FSBP: variants seen among roughly 807,000 people sequenced by gnomAD.
The protein encoded by FSBP is fibrinogen silencer-binding protein.
FSBP carries 18 observed loss-of-function variants against 24.6 expected under a neutral mutation model. The observed-to-expected ratio is 0.73, with a 90% CI of 0.51 to 1.08. The LOEUF is 1.08. FSBP is among the 50% of genes least tolerant of loss of function. The pLI, the probability that FSBP is intolerant of heterozygous loss-of-function variation, is 0.00. For missense variants in FSBP, 305 were observed against 347.6 expected, an observed-to-expected ratio of 0.88 and a Z score of 0.98; for synonymous variants, 110 against 125.8, an observed-to-expected ratio of 0.87 and a Z score of 0.84.
intron 1 of FSBP, among the ~76,000 whole-genome samples, chr8:94,433,178 A>G (rs374912226): frequency 6.6e-6 from 1 of 152,294 alleles, no homozygotes; most frequent in Non-Finnish European, 1.5e-5. Context: ...CCAAAAAATA[A>G]AACATAAAGA....
At position 94,432,393 on chromosome 8, in the gene FSBP, C is replaced by T. The variant is rs781604631; in HGVS notation, c.638G>A (p.Arg213Lys). 1.2e-4 allele frequency: 191 copies of T among 1,550,426 alleles called. No individual in the cohort carries two copies. The highest frequency in any genetic ancestry group is 8.3e-4 in the Middle Eastern group (5 of 5,992). ...ACTCTCATGCCGAAAAAAATCATCTCTCCTTGGAATAGAAGATGGAGACGA... is the reference window on the plus strand; with the variant it reads ...ACTCTCATGCCGAAAAAAATCATCTTTCCTTGGAATAGAAGATGGAGACGA... ...MTSSPSSIPRRDDFFRHESGE... is the reference protein window; with the variant it reads ...MTSSPSSIPRKDDFFRHESGE... The change falls in exon 2 of 2, where the codon AGA (arginine) becomes AAA (lysine). Residue 213 changes from arginine to lysine, a missense_variant. Arg to Lys is a conservative substitution (Grantham distance 26). Coordinates refer to ENST00000481490, the MANE Select transcript of FSBP (RefSeq NM_001256141.2).
rs1184040288 is a variant in FSBP at position 94,432,202 on chromosome 8, C to T, written c.829G>A (p.Ala277Thr). ...RQQLEEELLR[A>T]KIEVEKLKAI... ...TTCAGCTTCTCCACTTCAATTTTTG[C>T]TCTTAGTAGCTCTTCCTCTAGCTGC... is the stretch of plus-strand genomic sequence containing the variant. The change falls in exon 2 of 2, where the codon GCA becomes ACA. Residue 277 changes from alanine to threonine, a missense_variant. Coordinates refer to ENST00000481490, the MANE Select transcript of FSBP (RefSeq NM_001256141.2). 1 of 1,550,178 alleles carries T rather than the reference C, an allele frequency of 6.5e-7. No homozygotes were observed. The highest frequency in any genetic ancestry group is 2.0e-5 in the Admixed American group (1 of 50,974).
chr8:94,432,140 G>A lies in FSBP; in HGVS notation c.891C>T (p.Asn297=). 3 of 1,546,126 alleles carry A rather than the reference G, an allele frequency of 1.9e-6. No homozygotes were observed. Among genetic ancestry groups the A allele is most frequent in the African/African-American group, 1.4e-5 (1 of 72,712 alleles). The part of the protein sequence containing the change: ...IRLRHDLPEY[N]SL Reference sequence around the variant, plus strand: ...AGATTGAAAAAAAAACTTAGAGACTGTTATATTCAGGTAGATCATGCCGTA... The same window carrying A: ...AGATTGAAAAAAAAACTTAGAGACTATTATATTCAGGTAGATCATGCCGTA... Residue 297 remains asparagine, a synonymous_variant, in exon 2 of 2, where the codon AAC becomes AAT. Coordinates refer to ENST00000481490, the MANE Select transcript of FSBP (RefSeq NM_001256141.2).
chr8:94,432,248 C>T lies in FSBP; in HGVS notation c.783G>A (p.Arg261=), dbSNP rs1812118382. The change falls in exon 2 of 2, where the codon AGG becomes AGA. Residue 261 remains arginine (R), a synonymous_variant. Transcript: ENST00000481490. ...GCTGCTGCCTTCTTTTCAATCCATC[C>T]CTCTTCTCCTGAACATACAATCCAA... ...KNFGLYVQEK[R]DGLKRRQQLE... 2 of 1,550,192 alleles carry T rather than the reference C, an allele frequency of 1.3e-6. No individual in the cohort carries two copies. The highest frequency in any genetic ancestry group is 1.7e-4 in the Middle Eastern group (1 of 6,012).
In FSBP at chr8:94,428,619, T is replaced by C; in HGVS notation, c.*3512A>G. ...TCCTACCTCAGTTATACCGTCTTTT[T>C]AAATTTCGTATTACTTTTTATTGTT... On this transcript the variant is annotated 3_prime_UTR_variant, in exon 2 of 2. Coordinates refer to ENST00000481490, the MANE Select transcript of FSBP (RefSeq NM_001256141.2). 1 of 639,534 alleles carries C rather than the reference T, an allele frequency of 1.6e-6. No individual in the cohort carries two copies. The highest frequency in any genetic ancestry group is 1.9e-6 in the Non-Finnish European group (1 of 514,318). 39.6% of individuals were successfully genotyped at this position (639,534 alleles called of 1,614,324 possible). A position where few individuals can be genotyped will look rare whatever the true frequency, so the allele number is the denominator to read the frequency against.
chr8:94,434,605 T>TA, intron 1 of FSBP, among the ~76,000 whole-genome samples: 1 of 151,972 alleles, frequency 6.6e-6, no homozygotes, highest in African/African-American at 2.4e-5. Context: ...CATATTTATG[T>TA]AGAAGTATAG....
intron 1 of FSBP, among the ~76,000 whole-genome samples, chr8:94,433,145 G>A (rs1184234761): frequency 4.6e-5 from 7 of 152,136 alleles, no homozygotes; most frequent in African/African-American, 1.7e-4. Flanking sequence ...CCATCTATGG[G>A]AGGTACTGAT....
Position 94,431,837 on chromosome 8 carries a change from G to T in FSBP, c.*294C>A. The T allele has an allele frequency of 9.6e-7, 1 of 1,046,376 alleles. No individual in the cohort carries two copies. Among genetic ancestry groups the T allele is most frequent in the Non-Finnish European group, 1.2e-6 (1 of 864,760 alleles). The allele number at this position is 1,046,376 out of a possible 1,614,324, so 64.8% of individuals were successfully genotyped here. A position where few individuals can be genotyped will look rare whatever the true frequency, so the allele number is the denominator to read the frequency against. ...GACTCAGAACTTTGAAAGAATATGT[G>T]TTTGTATATGCATTTGTGTATATCT... is the stretch of plus-strand genomic sequence containing the variant. On this transcript the variant is annotated 3_prime_UTR_variant, in exon 2 of 2. Transcript: ENST00000481490.
Position 94,430,455 on chromosome 8 carries a change from A to G in FSBP, c.*1676T>C. 1.0e-6 allele frequency: 1 copy of G among 984,930 alleles called. No individual in the cohort carries two copies. Among genetic ancestry groups the G allele is most frequent in the Non-Finnish European group, 1.2e-6 (1 of 829,488 alleles). 61.0% of individuals were successfully genotyped at this position (984,930 alleles called of 1,614,324 possible). A position where few individuals can be genotyped will look rare whatever the true frequency, so the allele number is the denominator to read the frequency against. ...TTTAGGCACCAAGCGAGGTTCCAAA[A>G]TACTCTGTTTCACTGGTTCTCAAAC... is the stretch of plus-strand genomic sequence containing the variant. On this transcript the variant is annotated 3_prime_UTR_variant, in exon 2 of 2. Transcript: ENST00000481490.
intron 1 of FSBP, among the ~76,000 whole-genome samples, chr8:94,436,160 G>A (rs1041240909): frequency 6.6e-6 from 1 of 151,976 alleles, no homozygotes; most frequent in South Asian, 2.1e-4. Context: ...GAGAAAAAAA[G>A]TATCTCTCAG....
chr8:94,430,626 A>T lies in FSBP; in HGVS notation c.*1505T>A, dbSNP rs1812068064. ...TGCTGGTCAGGACCCATACTTGGAA[A>T]ACCATTGGTCTACTCCAAAGGCCAC... On this transcript the variant is annotated 3_prime_UTR_variant, in exon 2 of 2. Transcript: ENST00000481490. 1.6e-6 allele frequency: 1 copy of T among 614,028 alleles called. No individual in the cohort carries two copies. Among genetic ancestry groups the T allele is most frequent in the Admixed American group, 6.3e-5 (1 of 15,794 alleles). 38.0% of individuals were successfully genotyped at this position (614,028 alleles called of 1,614,324 possible).
In FSBP at chr8:94,427,874, A is replaced by G; in HGVS notation, c.*4257T>C. ...CTCCAAAAGAAGGCACATGAAAAAA[A>G]CTCATAGTTTAAACATTTTCACATA... On this transcript the variant is annotated 3_prime_UTR_variant, in exon 2 of 2. Coordinates refer to ENST00000481490, the MANE Select transcript of FSBP (RefSeq NM_001256141.2). 1.0e-6 allele frequency: 1 copy of G among 957,998 alleles called. No homozygotes were observed. Among genetic ancestry groups the G allele is most frequent in the African/African-American group, 1.8e-5 (1 of 56,712 alleles). The allele number at this position is 957,998 out of a possible 1,614,324, so 59.3% of individuals were successfully genotyped here. A position where few individuals can be genotyped will look rare whatever the true frequency, so the allele number is the denominator to read the frequency against.
intron 1 of FSBP, among the ~76,000 whole-genome samples, chr8:94,433,572 A>G (rs895190652): frequency 2.0e-5 from 3 of 152,090 alleles, no homozygotes; most frequent in Admixed American, 6.6e-5. Flanking sequence ...CTACAGCTTT[A>G]GCATAATTTA....
chr8:94,430,046 G>A lies in FSBP; in HGVS notation c.*2085C>T. 1.0e-6 allele frequency: 1 copy of A among 984,112 alleles called. No individual in the cohort carries two copies. Among genetic ancestry groups the A allele is most frequent in the Non-Finnish European group, 1.2e-6 (1 of 828,824 alleles). The allele number at this position is 984,112 out of a possible 1,614,324, so 61.0% of individuals were successfully genotyped here. ...AATAGTATTTAGGCTGGGCACGGTG[G>A]CTCAAGCCTGTAATCCCAGCACTTT... On this transcript the variant is annotated 3_prime_UTR_variant, in exon 2 of 2. Transcript: ENST00000481490.
Position 94,428,981 on chromosome 8 carries a change from T to A in FSBP, c.*3150A>T, listed in dbSNP as rs943779232. ...TTTATACAGGAATTCTCATAAACTATACTATGTTAATCATGGTTATACAAG... is the reference window on the plus strand; with the variant it reads ...TTTATACAGGAATTCTCATAAACTAAACTATGTTAATCATGGTTATACAAG... On this transcript the variant is annotated 3_prime_UTR_variant, in exon 2 of 2. Coordinates refer to ENST00000481490, the MANE Select transcript of FSBP (RefSeq NM_001256141.2). The A allele has an allele frequency of 9.2e-6, 9 of 982,512 alleles. 1 individual carries two copies. 60.9% of individuals were successfully genotyped at this position (982,512 alleles called of 1,614,324 possible). A position where few individuals can be genotyped will look rare whatever the true frequency, so the allele number is the denominator to read the frequency against.
At chr8:94,435,586 G>T (rs966053420) in intron 1 of FSBP, among the ~76,000 whole-genome samples, 1 of 152,022 alleles carries the variant, frequency 6.6e-6, no homozygotes, top group African/African-American at 2.4e-5. Context: ...TAAGAATGTA[G>T]CTGCCATTTT....
Position 94,431,371 on chromosome 8 carries a change from G to C in FSBP, c.*760C>G. 2 of 984,430 alleles carry C rather than the reference G, an allele frequency of 2.0e-6. 1 individual carries two copies. Among genetic ancestry groups the C allele is most frequent in the South Asian group, 9.4e-5 (2 of 21,240 alleles). 61.0% of individuals were successfully genotyped at this position (984,430 alleles called of 1,614,324 possible). ...CTGGAACAAAAATAGAGAGAGAATG[G>C]GGGTAATTGATGTAATTATCCTGAT... On this transcript the variant is annotated 3_prime_UTR_variant, in exon 2 of 2. Coordinates refer to ENST00000481490, the MANE Select transcript of FSBP (RefSeq NM_001256141.2).
In FSBP at chr8:94,436,836, G is replaced by A. The variant is rs1251155866; in HGVS notation, c.33C>T (p.Thr11=). Residue 11 remains threonine, a synonymous_variant, in exon 1 of 2, where the codon ACC becomes ACT. Coordinates refer to ENST00000481490, the MANE Select transcript of FSBP (RefSeq NM_001256141.2). MVGKARSSNF[T]LSEKLDLLKL... is the part of the protein sequence containing the mutation. ...TTAGCAAATCAAGCTTTTCGGATAA[G>A]GTAAAATTGGAAGATCTAGCCTTTC... is the stretch of plus-strand genomic sequence containing the variant. The A allele has an allele frequency of 1.3e-6, 2 of 1,540,888 alleles. No homozygotes were observed. Among genetic ancestry groups the A allele is most frequent in the African/African-American group, 1.4e-5 (1 of 72,546 alleles).
chr8:94,430,675 T>A lies in FSBP; in HGVS notation c.*1456A>T. On this transcript the variant is annotated 3_prime_UTR_variant, in exon 2 of 2. Transcript: ENST00000481490. ...ACAAAGTGGAAGCCCAATGGCTCAG[T>A]GAGGCCCACTCACATGTTGTCTGTA... The A allele has an allele frequency of 1.3e-6, 1 of 794,386 alleles. No homozygotes were observed. 49.2% of individuals were successfully genotyped at this position (794,386 alleles called of 1,614,324 possible).
Sources: allele counts gnomAD v4.1 joint callset (sites outside exome capture counted in the v4.1 genomes callset), GRCh38; gene constraint gnomAD v4.1.1; transcripts MANE v1.5; gene names NCBI Gene and HGNC (gene_info 2026-07-23, HGNC 2026-07-21).